Variants in TENT4A observed in about 807,000 individuals in gnomAD.
TENT4A encodes DNA polymerase kappa.
Under a neutral mutation model 72.8 loss-of-function variants are expected in TENT4A, and 7 were observed. That is an observed-to-expected ratio of 0.10 (90% CI 0.05 to 0.18). The LOEUF (loss-of-function observed/expected upper bound fraction) is 0.18, where lower values mean the gene tolerates loss of function less well. TENT4A is among the 10% of genes least tolerant of loss of function. The pLI is 1.00. For synonymous variants in TENT4A, 456 were observed against 434.3 expected, an observed-to-expected ratio of 1.05 and a Z score of -0.62; for missense variants, 831 against 1,017.7, an observed-to-expected ratio of 0.82 and a Z score of 2.50.
intron 1 of TENT4A, among the ~76,000 whole-genome samples, chr5:6,717,769 G>C (rs2126593137): frequency 6.6e-6 from 1 of 152,364 alleles, no homozygotes; most frequent in South Asian, 2.1e-4. Flanking sequence ...TTGCATCCCA[G>C]CCTCTGGCTG....
At chr5:6,726,012 C>T (rs1579457471) in intron 1 of TENT4A, among the ~76,000 whole-genome samples, 1 of 152,182 alleles carries the variant, frequency 6.6e-6, no homozygotes, top group East Asian at 1.9e-4. Context: ...TCTTGGTTTG[C>T]TTGGGCTGTG....
At chr5:6,721,972 A>G (rs1174572132) in intron 1 of TENT4A, among the ~76,000 whole-genome samples, 1 of 152,198 alleles carries the variant, frequency 6.6e-6, no homozygotes, top group Non-Finnish European at 1.5e-5. Context: ...GATCTGAAGG[A>G]ATGGCTAGGA....
At position 6,714,028 on chromosome 5, in the gene TENT4A, G is replaced by A; in HGVS notation, c.45G>A (p.Pro15=). 1.0e-6 allele frequency: 1 copy of A among 986,638 alleles called. No homozygotes were observed. Among genetic ancestry groups the A allele is most frequent in the Non-Finnish European group, 1.2e-6 (1 of 831,856 alleles). 61.1% of individuals were successfully genotyped at this position (986,638 alleles called of 1,614,324 possible). Residue 15 remains proline, a synonymous_variant, in exon 1 of 13, where the codon CCG becomes CCA. Coordinates refer to ENST00000230859, the MANE Select transcript of TENT4A (RefSeq NM_006999.6). The part of the protein sequence containing the change: ...VAWIQPEQKG[P]ANALWMQIWE... The stretch of plus-strand genomic sequence containing the variant: ...GGATCCAGCCCGAGCAGAAGGGGCC[G>A]GCCAATGCCCTGTGGATGCAGATCT...
rs567045237 is a variant in TENT4A, at chr5:6,742,439, C to T, written c.1009-51C>T. ...GCTTTGGCAGCATTTTGATGCCTGGCTGTGGAGAGTCCTGCATGTTAAAGC... is the reference window on the plus strand; with the variant it reads ...GCTTTGGCAGCATTTTGATGCCTGGTTGTGGAGAGTCCTGCATGTTAAAGC... On this transcript the variant is annotated intron_variant, in intron 4 of 12. Coordinates refer to ENST00000230859, the MANE Select transcript of TENT4A (RefSeq NM_006999.6). The T allele has an allele frequency of 1.6e-5, 18 of 1,151,594 alleles. No individual in the cohort carries two copies. The African/African-American group carries it at 2.4e-4, about 15-fold the overall frequency. 71.3% of individuals were successfully genotyped at this position (1,151,594 alleles called of 1,614,324 possible).
chr5:6,731,179 G>A (rs569486210), intron 1 of TENT4A, among the ~76,000 whole-genome samples: 12 of 152,344 alleles, frequency 7.9e-5, no homozygotes, highest in African/African-American at 2.9e-4. Context: ...GAGCTGAAGT[G>A]AGGGAACTTC....
At chr5:6,717,270 TGGCCAATAGTAAA>T (rs1050138399) in intron 1 of TENT4A, among the ~76,000 whole-genome samples, 4 of 152,254 alleles carry the variant, frequency 2.6e-5, no homozygotes, top group African/African-American at 9.6e-5. Context: ...TCACCTGGGC[TGGCCAATAGTAAA>T]GGACCTTGTT....
chr5:6,714,741 T>TGGTCCTGGCCGGCGGCCGC, intron 1 of TENT4A, 42 bp downstream of exon 1: 1 of 1,002,924 alleles, frequency 1.0e-6, no homozygotes, highest in Non-Finnish European at 1.3e-6. Flanking sequence ...GCGGGGCCCA[T>TGGTCCTGGCCGGCGGCCGC]GGTCCTGGCC....
intron 4 of TENT4A, among the ~76,000 whole-genome samples, chr5:6,741,057 C>T (rs761699249): frequency 6.6e-6 from 1 of 152,184 alleles, no homozygotes; most frequent in African/African-American, 2.4e-5. Context: ...CCTGACCAGG[C>T]GACCACCTTT....
At chr5:6,728,176 T>A (rs1741032710) in intron 1 of TENT4A, among the ~76,000 whole-genome samples, 1 of 152,208 alleles carries the variant, frequency 6.6e-6, no homozygotes, top group African/African-American at 2.4e-5. Context: ...GCTTTGCCTC[T>A]GAGCTGTCTG....
chr5:6,750,322 C>G lies in TENT4A; in HGVS notation c.1688-9C>G. 6.2e-7 allele frequency: 1 copy of G among 1,601,526 alleles called. No individual in the cohort carries two copies. Among genetic ancestry groups the G allele is most frequent in the Non-Finnish European group, 8.5e-7 (1 of 1,174,742 alleles). On this transcript the variant is annotated splice_polypyrimidine_tract_variant and intron_variant, in intron 9 of 12. Coordinates refer to ENST00000230859, the MANE Select transcript of TENT4A (RefSeq NM_006999.6). The stretch of plus-strand genomic sequence containing the variant: ...AGGAGTTATTAACCAAGGCTTTTTC[C>G]CTCCACAGACAGCAGGATCAAGATC...
chr5:6,724,987 T>C (rs1740838212), intron 1 of TENT4A, among the ~76,000 whole-genome samples: 1 of 152,128 alleles, frequency 6.6e-6, no homozygotes, highest in Non-Finnish European at 1.5e-5. Flanking sequence ...CCACTGGAAA[T>C]GTAGAGCAAA....
At chr5:6,725,320 CAAA>C (rs959406095) in intron 1 of TENT4A, among the ~76,000 whole-genome samples, 1 of 150,080 alleles carries the variant, frequency 6.7e-6, no homozygotes, top group Non-Finnish European at 1.5e-5. Flanking sequence ...GACTCCGTCT[CAAA>C]AAAAGAAAAA....
intron 1 of TENT4A, among the ~76,000 whole-genome samples, chr5:6,721,947 T>A (rs1740674589): frequency 6.6e-6 from 1 of 152,170 alleles, no homozygotes; most frequent in South Asian, 2.1e-4. Context: ...ATTGTAACAT[T>A]TCTGGAATCC....
chr5:6,748,615 G>A (rs1742233813), intron 8 of TENT4A, 25 bp downstream of exon 8: 1 of 1,597,542 alleles, frequency 6.3e-7, no homozygotes, highest in Non-Finnish European at 8.6e-7. Context: ...GTCTGCGTCT[G>A]GGCTCAGCGT....
chr5:6,748,405 A>G (rs274682), intron 7 of TENT4A, 59 bp from the exon 8 acceptor site: 1,085,751 of 1,596,814 alleles, frequency 0.68, 372,571 homozygotes, highest in Non-Finnish European at 0.7. Context: ...GAGAAGATCC[A>G]AAACATGTGG....
At chr5:6,720,689 A>T (rs932016995) in intron 1 of TENT4A, among the ~76,000 whole-genome samples, 5 of 150,292 alleles carry the variant, frequency 3.3e-5, no homozygotes, top group Non-Finnish European at 7.4e-5. Context: ...TAAATAAATA[A>T]ATAAATAAAT....
Position 6,714,243 on chromosome 5 carries a change from C to T in TENT4A, c.260C>T (p.Ala87Val). ...GPTAPAALPP[A>V]LLTALGPAAE... Reference sequence around the variant, plus strand: ...ACCGCGCCCGCCGCGCTGCCCCCCGCGCTGCTGACGGCGCTGGGGCCCGCG... The same window carrying T: ...ACCGCGCCCGCCGCGCTGCCCCCCGTGCTGCTGACGGCGCTGGGGCCCGCG... The change falls in exon 1 of 13, where the codon GCG (alanine) becomes GTG (valine). Residue 87 changes from alanine to valine, a missense_variant. Coordinates refer to ENST00000230859, the MANE Select transcript of TENT4A (RefSeq NM_006999.6). 4.9e-6 allele frequency: 5 copies of T among 1,016,758 alleles called. No homozygotes were observed. The highest frequency in any genetic ancestry group is 5.9e-6 in the Non-Finnish European group (5 of 853,140). The allele number at this position is 1,016,758 out of a possible 1,614,324, so 63.0% of individuals were successfully genotyped here. A position where few individuals can be genotyped will look rare whatever the true frequency, so the allele number is the denominator to read the frequency against.
chr5:6,746,569 A>T (rs1742112143), intron 7 of TENT4A, 142 bp downstream of exon 7: 1 of 659,022 alleles, frequency 1.5e-6, no homozygotes. Flanking sequence ...ACCAGTTAAT[A>T]ATCACACTTT....
chr5:6,750,215 T>G, intron 9 of TENT4A, 116 bp from the exon 10 acceptor site: 1 of 650,028 alleles, frequency 1.5e-6, no homozygotes, highest in Non-Finnish European at 2.4e-6. Context: ...TAATGTTGGG[T>G]TTGTTAGTCA....
Sources: gnomAD v4.1 joint callset for allele counts (sites outside exome capture counted in the v4.1 genomes callset) on GRCh38, gnomAD v4.1.1 for gene constraint, MANE v1.5 for transcripts, NCBI Gene and HGNC (gene_info 2026-07-23, HGNC 2026-07-21) for gene names.